The following MED13L variants were observed in gnomAD, a reference collection of about 807,000 sequenced individuals.
MED13L encodes the protein mediator of RNA polymerase II transcription subunit 13-like.
MED13L carries 7 observed loss-of-function variants against 220.9 expected under a neutral mutation model. That is an observed-to-expected ratio of 0.03 (90% CI 0.02 to 0.06). The LOEUF (loss-of-function observed/expected upper bound fraction) is 0.06, where lower values mean the gene tolerates loss of function less well. MED13L is among the 10% of genes least tolerant of loss of function. The probability of loss-of-function intolerance (pLI) is 1.00; values close to 1 mark genes in which losing one functional copy is unlikely to be tolerated. For missense variants in MED13L, 1,965 were observed against 2,760.5 expected (o/e 0.71, Z 6.46); for synonymous variants, 1,011 against 1,015.2 (o/e 1.00, Z 0.08).
intron 2 of MED13L, among the ~76,000 whole-genome samples, chr12:116,200,939 G>C (rs1881973996): frequency 6.6e-6 from 1 of 151,910 alleles, no homozygotes; most frequent in Admixed American, 6.6e-5. Context: ...ACATCTTCTG[G>C]GTTAAAACAG....
chr12:116,240,563 C>T (rs1239843602), intron 1 of MED13L, among the ~76,000 whole-genome samples: 2 of 148,172 alleles, frequency 1.3e-5, no homozygotes, highest in Non-Finnish European at 3.0e-5. Flanking sequence ...GACGGAGTCT[C>T]GCCCTGTCAC....
intron 2 of MED13L, among the ~76,000 whole-genome samples, chr12:116,221,755 T>C (rs1431617822): frequency 6.6e-6 from 1 of 152,210 alleles, no homozygotes; most frequent in Non-Finnish European, 1.5e-5. Context: ...TTATTCTATG[T>C]GATACTAATA....
chr12:116,091,857 T>C (rs1872244417), intron 4 of MED13L, among the ~76,000 whole-genome samples: 1 of 152,256 alleles, frequency 6.6e-6, no homozygotes, highest in Non-Finnish European at 1.5e-5. Flanking sequence ...CACCAGTCTC[T>C]CTTGGTTCTC....
intron 3 of MED13L, among the ~76,000 whole-genome samples, chr12:116,109,060 CTTTTTTTTT>C (rs751600660): frequency 2.1e-5 from 2 of 97,082 alleles, no homozygotes; most frequent in Non-Finnish European, 4.1e-5. Flanking sequence ...AATTAATTTC[CTTTTTTTTT>C]TTTTTTTTTT....
At chr12:116,110,809 C>A (rs911664334) in intron 3 of MED13L, among the ~76,000 whole-genome samples, 1 of 151,918 alleles carries the variant, frequency 6.6e-6, no homozygotes, top group South Asian at 2.1e-4. Flanking sequence ...AAAAGCATAA[C>A]CTGAATTTAA....
chr12:115,982,397 G>A lies in MED13L; in HGVS notation c.5162C>T (p.Ser1721Phe), dbSNP rs755513948. Reference protein sequence around the residue: ...LDNLPEHMRNSFILQIVPCQY... With the variant: ...LDNLPEHMRNFFILQIVPCQY... ...GCAAACAGTAACCTGGAGAATGAAA[G>A]AATTTCTCATATGCTCAGGTAAATT... The change falls in exon 22 of 31, where the codon TCT becomes TTT. Residue 1721 changes from serine (S) to phenylalanine (F), a missense_variant. Coordinates refer to ENST00000281928, the MANE Select transcript of MED13L (RefSeq NM_015335.5). The A allele has an allele frequency of 4.2e-5, 68 of 1,612,598 alleles. No homozygotes were observed. Among genetic ancestry groups the A allele is most frequent in the Non-Finnish European group, 5.3e-5 (62 of 1,178,720 alleles).
At chr12:116,236,883 A>C in intron 2 of MED13L, 1 of 985,088 alleles carries the variant, frequency 1.0e-6, no homozygotes, top group African/African-American at 1.7e-5. Context: ...CACCGGAGCC[A>C]ATGTTTCCTG....
chr12:116,265,085 C>G (rs570953026), intron 1 of MED13L, among the ~76,000 whole-genome samples: 26 of 152,292 alleles, frequency 1.7e-4, no homozygotes, highest in Admixed American at 1.7e-3. Flanking sequence ...CTACCCTCAA[C>G]AGTCAAATGT....
At chr12:116,039,885 C>T (rs1183761197) in intron 4 of MED13L, among the ~76,000 whole-genome samples, 1 of 152,060 alleles carries the variant, frequency 6.6e-6, no homozygotes, top group African/African-American at 2.4e-5. Flanking sequence ...GGGCGAGATA[C>T]CACCATTTTG....
At chr12:116,220,330 A>G (rs1268730240) in intron 2 of MED13L, among the ~76,000 whole-genome samples, 1 of 152,222 alleles carries the variant, frequency 6.6e-6, no homozygotes, top group Non-Finnish European at 1.5e-5. Context: ...TTCCAAGAGA[A>G]AACTATTATT....
chr12:116,207,361 C>G (rs1424014688), intron 2 of MED13L, among the ~76,000 whole-genome samples: 7 of 152,124 alleles, frequency 4.6e-5, no homozygotes, highest in Admixed American at 2.6e-4. Context: ...TACCTGCCTA[C>G]AGAATTCAGT....
intron 22 of MED13L, among the ~76,000 whole-genome samples, chr12:115,981,453 C>T (rs1052242212): frequency 1.3e-5 from 2 of 152,050 alleles, no homozygotes; most frequent in African/African-American, 4.8e-5. Flanking sequence ...CCCAAACATC[C>T]GAAGCATTGT....
intron 2 of MED13L, among the ~76,000 whole-genome samples, chr12:116,173,240 T>TA (rs1416161318): frequency 6.6e-6 from 1 of 152,144 alleles, no homozygotes; most frequent in Non-Finnish European, 1.5e-5. Context: ...TTCTCATGTT[T>TA]AAAAAATGAC....
chr12:116,049,955 T>TG (rs1325820594), intron 4 of MED13L, among the ~76,000 whole-genome samples: 1 of 152,216 alleles, frequency 6.6e-6, no homozygotes, highest in Non-Finnish European at 1.5e-5. Context: ...AAAACACGTA[T>TG]GTACTACGTT....
At chr12:116,014,725 A>G (rs1879618962) in intron 8 of MED13L, among the ~76,000 whole-genome samples, 1 of 152,178 alleles carries the variant, frequency 6.6e-6, no homozygotes, top group South Asian at 2.1e-4. Context: ...ATAGTAAATC[A>G]GCAAGGAAGG....
chr12:116,111,339 GA>G, intron 3 of MED13L, 88 bp downstream of exon 3: 1 of 1,007,956 alleles, frequency 9.9e-7, no homozygotes, highest in Non-Finnish European at 1.6e-6. Flanking sequence ...CATTGCAAGT[GA>G]AAAGTTTTTG....
chr12:116,007,683 A>T, intron 10 of MED13L, 47 bp from the exon 11 acceptor site: 5 of 1,512,644 alleles, frequency 3.3e-6, no homozygotes, highest in Non-Finnish European at 4.5e-6. Context: ...TATGCCTTAA[A>T]GCATTTACAA....
chr12:116,268,151 A>C (rs1872977849), intron 1 of MED13L, among the ~76,000 whole-genome samples: 1 of 152,144 alleles, frequency 6.6e-6, no homozygotes, highest in Non-Finnish European at 1.5e-5. Flanking sequence ...TCTCCTGCAG[A>C]AGCTCATCTG....
At chr12:116,171,857 C>T (rs1003746058) in intron 2 of MED13L, among the ~76,000 whole-genome samples, 1 of 152,166 alleles carries the variant, frequency 6.6e-6, no homozygotes, top group Non-Finnish European at 1.5e-5. Flanking sequence ...TGCAGGACTT[C>T]ACATGTATTC....
Sources: gnomAD v4.1 joint callset for allele counts (sites outside exome capture counted in the v4.1 genomes callset) on GRCh38, gnomAD v4.1.1 for gene constraint, MANE v1.5 for transcripts, NCBI Gene and HGNC (gene_info 2026-07-23, HGNC 2026-07-21) for gene names.